The following C11orf65 variants were observed in gnomAD, a reference collection of about 807,000 sequenced individuals.
C11orf65 encodes the protein chromosome 11 open reading frame 65.
Under a neutral mutation model 35.3 loss-of-function variants are expected in C11orf65, and 38 were observed. That is an observed-to-expected ratio of 1.08 (90% confidence interval 0.83 to 1.41). The LOEUF (loss-of-function observed/expected upper bound fraction) is 1.41. C11orf65 is among the 40% of genes most tolerant of loss of function. The pLI is 0.00. For missense variants in C11orf65, 370 were observed against 367.1 expected (o/e 1.01, Z -0.06); for synonymous variants, 105 against 114.4 (o/e 0.92, Z 0.53).
intron 3 of C11orf65, among the ~76,000 whole-genome samples, chr11:108,425,159 G>A (rs1565679034): frequency 6.6e-6 from 1 of 152,098 alleles, no homozygotes; most frequent in Non-Finnish European, 1.5e-5. Context: ...TACGATCAGA[G>A]CAGAACTGAA....
At position 108,319,998 on chromosome 11, in the gene C11orf65, C is replaced by A. The variant is rs1060501594; in HGVS notation, c.641-10927G>T. 6.2e-7 allele frequency: 1 copy of A among 1,612,706 alleles called. No homozygotes were observed. Among genetic ancestry groups the A allele is most frequent in the Non-Finnish European group, 8.5e-7 (1 of 1,178,866 alleles). On this transcript the variant is annotated intron_variant, in intron 6 of 6. Coordinates refer to the C11orf65 transcript ENST00000525729. ...AGTTACCATGAATCATTGTACAATG[C>A]TCTACAATCTCTAAGAGACAGAGAA...
At position 108,315,273 on chromosome 11, in the gene C11orf65, G is replaced by A. The variant is rs1024038165; in HGVS notation, c.641-6202C>T. ...ATTATTACAATAGTACAATATGTAC[G>A]ATAGTTAATCTTATGCAATTATGAT... On this transcript the variant is annotated intron_variant, in intron 6 of 6. Transcript: ENST00000525729. Among the ~76,000 whole-genome samples, 8 of 152,278 alleles carry A rather than the reference G, an allele frequency of 5.3e-5. No individual in the cohort carries two copies. In the South Asian group the frequency reaches 6.2e-4, roughly 12 times the overall value.
intron 2 of C11orf65, among the ~76,000 whole-genome samples, chr11:108,457,377 C>G (rs895854853): frequency 6.6e-6 from 1 of 152,120 alleles, no homozygotes; most frequent in Admixed American, 6.6e-5. Context: ...GGCGCGGTGG[C>G]TCACACCTGT....
intron 3 of C11orf65, among the ~76,000 whole-genome samples, chr11:108,418,466 G>C (rs926229448): frequency 6.6e-6 from 1 of 152,026 alleles, no homozygotes; most frequent in African/African-American, 2.4e-5. Context: ...AACTGAATTT[G>C]ATATGAAAAT....
At chr11:108,317,047 CT>C (rs1413414459) in intron 6 of C11orf65, among the ~76,000 whole-genome samples, 2 of 151,324 alleles carry the variant, frequency 1.3e-5, no homozygotes, top group Non-Finnish European at 2.9e-5. Flanking sequence ...GCACCTCTCG[CT>C]TCAGCCACCC....
exon 3 of C11orf65, chr11:108,335,279 T>A: frequency 6.7e-7 from 1 of 1,488,056 alleles, no homozygotes; most frequent in Non-Finnish European, 9.0e-7. Context: ...CTTTTCTCCA[T>A]TTTTTTTGTG....
At chr11:108,323,650 T>G (rs1395604291) in intron 6 of C11orf65, among the ~76,000 whole-genome samples, 1 of 152,148 alleles carries the variant, frequency 6.6e-6, no homozygotes, top group Non-Finnish European at 1.5e-5. Context: ...TATCAAAATA[T>G]CACACGTACC....
intron 6 of C11orf65, among the ~76,000 whole-genome samples, chr11:108,316,785 G>C (rs682131): frequency 0.52 from 74,583 of 144,612 alleles, 20,266 homozygotes; most frequent in Middle Eastern, 0.73. Flanking sequence ...AATTAGCCGG[G>C]TGTGGTGGCG....
At chr11:108,312,323 T>C (rs1366572805) in intron 6 of C11orf65, 47 of 1,006,380 alleles carry the variant, frequency 4.7e-5, no homozygotes, top group Non-Finnish European at 7.0e-5. Context: ...CCTTCATTAG[T>C]TTTTTTCTGT....
intron 8 of C11orf65, among the ~76,000 whole-genome samples, chr11:108,385,700 A>G (rs1341394133): frequency 6.6e-6 from 1 of 151,918 alleles, no homozygotes. Context: ...AAAAAGATTC[A>G]TATTTTTAAA....
Position 108,331,959 on chromosome 11 carries a change from A to G in C11orf65, c.300-392T>C, listed in dbSNP as rs760215505. On this transcript the variant is annotated intron_variant, in intron 3 of 3. Coordinates refer to the C11orf65 transcript ENST00000524755. ...CCTTAGCAAATGCAAACAGAGATGA[A>G]TTTCTGACTAAACCAGAGGTAGCCA... 1 of 1,614,088 alleles carries G rather than the reference A, an allele frequency of 6.2e-7. No individual in the cohort carries two copies. The highest frequency in any genetic ancestry group is 1.7e-5 in the Admixed American group (1 of 60,026).
intron 2 of C11orf65, among the ~76,000 whole-genome samples, chr11:108,435,607 T>C (rs375365862): frequency 1.3e-5 from 2 of 152,088 alleles, no homozygotes; most frequent in East Asian, 3.8e-4. Flanking sequence ...GCTGAAGTGC[T>C]TGCTGAAAAA....
At chr11:108,404,248 T>G (rs1422688980) in intron 6 of C11orf65, among the ~76,000 whole-genome samples, 1 of 152,236 alleles carries the variant, frequency 6.6e-6, no homozygotes, top group Admixed American at 6.5e-5. Context: ...AGTGAAGCTG[T>G]AATGTATATG....
chr11:108,366,222 GTATGT>G (rs2091323035), intron 2 of C11orf65: 1 of 195,316 alleles, frequency 5.1e-6, no homozygotes, highest in African/African-American at 2.3e-5. Flanking sequence ...TACTGTCCAT[GTATGT>G]TATCTTTCTG....
chr11:108,427,352 A>C (rs549108489), intron 3 of C11orf65, among the ~76,000 whole-genome samples: 18 of 150,894 alleles, frequency 1.2e-4, no homozygotes, highest in South Asian at 6.3e-4. Flanking sequence ...AAAAAAAAAA[A>C]CCCCACCAAA....
chr11:108,332,740 G>A (rs1565535798), intron 3 of C11orf65: 1 of 1,607,902 alleles, frequency 6.2e-7, no homozygotes. Flanking sequence ...CTTATGTAAT[G>A]TTTTTTGTTT....
intron 2 of C11orf65, among the ~76,000 whole-genome samples, chr11:108,359,505 A>G (rs2090450342): frequency 6.6e-6 from 1 of 152,042 alleles, no homozygotes; most frequent in Non-Finnish European, 1.5e-5. Context: ...TTTTTTCAGC[A>G]CCACACCACA....
intron 6 of C11orf65, among the ~76,000 whole-genome samples, chr11:108,394,688 T>C (rs1565641293): frequency 3.6e-5 from 5 of 137,324 alleles, no homozygotes; most frequent in South Asian, 2.7e-4. Flanking sequence ...ATTCATTTAT[T>C]AATTCAACAC....
intron 7 of C11orf65, among the ~76,000 whole-genome samples, chr11:108,387,152 T>A (rs544500430): frequency 7.7e-6 from 1 of 129,304 alleles, no homozygotes; most frequent in East Asian, 2.1e-4. Flanking sequence ...TTCTTTCTTT[T>A]TTTTTTTTTT....
Sources: gnomAD v4.1 joint callset for allele counts (sites outside exome capture counted in the v4.1 genomes callset) on GRCh38, gnomAD v4.1.1 for gene constraint, MANE v1.5 for transcripts, NCBI Gene and HGNC (gene_info 2026-07-23, HGNC 2026-07-21) for gene names.